The following FSD2 variants were observed in gnomAD, a reference collection of about 807,000 sequenced individuals.
FSD2 encodes the protein fibronectin type III and SPRY domain-containing protein 2.
FSD2 carries 71 observed loss-of-function variants against 80.4 expected under a neutral mutation model. The observed-to-expected ratio is 0.88, with a 90% CI of 0.73 to 1.08. The LOEUF (loss-of-function observed/expected upper bound fraction) is 1.08, where lower values mean the gene tolerates loss of function less well. Among genes scored for constraint, FSD2 ranks in the 50% least tolerant of loss-of-function variants. The pLI, the probability that FSD2 is intolerant of heterozygous loss-of-function variation, is 0.00. For missense variants in FSD2, 923 were observed against 913.8 expected (o/e 1.01, Z -0.13); for synonymous variants, 361 against 329.5 (o/e 1.10, Z -1.03).
chr15:82,791,021 C>T (rs1204608736), intron 1 of FSD2, among the ~76,000 whole-genome samples: 4 of 151,698 alleles, frequency 2.6e-5, no homozygotes, highest in Admixed American at 1.3e-4. Flanking sequence ...TTTTTTGAGG[C>T]GGAGTCTCGC....
chr15:82,787,049 G>A lies in FSD2; in HGVS notation c.342C>T (p.Ala114=). 1.2e-6 allele frequency: 2 copies of A among 1,613,892 alleles called. No individual in the cohort carries two copies. The highest frequency in any genetic ancestry group is 1.7e-6 in the Non-Finnish European group (2 of 1,179,890). Residue 114 remains alanine, a synonymous_variant, in exon 2 of 13, where the codon GCC becomes GCT. Coordinates refer to ENST00000334574, the MANE Select transcript of FSD2 (RefSeq NM_001007122.4). ...TAAGTCTCCAGTCTCTCTGCTCCCT[G>A]GCTGGGTCTCTCCTCTTCATCATAT... is the stretch of plus-strand genomic sequence containing the variant. ...PPYMMKRRDP[A]REQRDWRLSG... is the part of the protein sequence containing the mutation.
At chr15:82,782,658 C>T in intron 4 of FSD2, 137 bp downstream of exon 4, 1 of 706,034 alleles carries the variant, frequency 1.4e-6, no homozygotes, top group Non-Finnish European at 2.4e-6. Flanking sequence ...CAAATGGATG[C>T]TGGCCATAAA....
Position 82,762,116 on chromosome 15 carries a change from T to G in FSD2, c.1983A>C (p.Thr661=). The G allele has an allele frequency of 6.2e-7, 1 of 1,601,870 alleles. No homozygotes were observed. The highest frequency in any genetic ancestry group is 8.5e-7 in the Non-Finnish European group (1 of 1,173,986). ...TTTTACTTTACCTTGATGATGCAAA[T>G]GTGTGCCTCATGCACCAGGAGAGGC... The part of the protein sequence containing the change: ...ANCLSWCMRH[T]FASSRHKYEF... The change falls in exon 12 of 13, where the codon ACA becomes ACC. Residue 661 remains threonine, a synonymous_variant. Coordinates refer to ENST00000334574, the MANE Select transcript of FSD2 (RefSeq NM_001007122.4).
intron 12 of FSD2, among the ~76,000 whole-genome samples, chr15:82,761,366 A>G (rs1014515686): frequency 2.0e-5 from 3 of 152,172 alleles, no homozygotes; most frequent in African/African-American, 7.2e-5. Context: ...TTCCCACTAT[A>G]TGGAACTACT....
rs539986774 is a variant in FSD2, at chr15:82,760,918, T to A, written c.1997+1184A>T. 1.1e-4 allele frequency among the ~76,000 whole-genome samples: 17 copies of A among 152,342 alleles called. No individual in the cohort carries two copies. The East Asian group carries it at 3.1e-3, about 28-fold the overall frequency. ...ACTTCTAGGCTTTCTTTATGCTCCC[T>A]TAGTTTTACTCTGCCCCTTGTTCTT... On this transcript the variant is annotated intron_variant, in intron 12 of 12. Coordinates refer to ENST00000334574, the MANE Select transcript of FSD2 (RefSeq NM_001007122.4).
chr15:82,774,362 C>T (rs1193222818), intron 6 of FSD2, among the ~76,000 whole-genome samples: 1 of 152,198 alleles, frequency 6.6e-6, no homozygotes, highest in Non-Finnish European at 1.5e-5. Context: ...AGGCATGAGC[C>T]AGCACGTCTG....
rs765142627 is a variant in FSD2 at position 82,768,871 on chromosome 15, A to G, written c.1553+9T>C. ...GCTCTCGTGCCCAGCAAATGCCCTC[A>G]TGACTCACTCAGTTACACCCGAGGC... On this transcript the variant is annotated intron_variant, in intron 9 of 12. Transcript: ENST00000334574. 2 of 1,515,032 alleles carry G rather than the reference A, an allele frequency of 1.3e-6. No individual in the cohort carries two copies. The highest frequency in any genetic ancestry group is 1.8e-4 in the Middle Eastern group (1 of 5,540). The allele number at this position is 1,515,032 out of a possible 1,614,324, so 93.8% of individuals were successfully genotyped here.
intron 1 of FSD2, among the ~76,000 whole-genome samples, chr15:82,797,903 T>G (rs748065501): frequency 6.6e-5 from 10 of 152,138 alleles, no homozygotes; most frequent in Admixed American, 3.3e-4. Flanking sequence ...ATTGGTAACT[T>G]CATCCAAAAG....
intron 1 of FSD2, among the ~76,000 whole-genome samples, chr15:82,791,245 G>A (rs1217305018): frequency 4.6e-5 from 7 of 151,008 alleles, no homozygotes; most frequent in East Asian, 4.0e-4. Flanking sequence ...TGGTCCGCCC[G>A]TCTCGGCCTC....
intron 1 of FSD2, among the ~76,000 whole-genome samples, chr15:82,799,949 T>C (rs1482055080): frequency 6.6e-6 from 1 of 152,140 alleles, no homozygotes; most frequent in Non-Finnish European, 1.5e-5. Flanking sequence ...TTCTTCAGCC[T>C]CTCTACACTC....
At chr15:82,793,326 T>G (rs951820495) in intron 1 of FSD2, among the ~76,000 whole-genome samples, 4 of 145,816 alleles carry the variant, frequency 2.7e-5, no homozygotes, top group African/African-American at 1.0e-4. Context: ...GTTTTTTGTG[T>G]TTTTTTTTTT....
chr15:82,803,707 T>C (rs1274501690), intron 1 of FSD2, among the ~76,000 whole-genome samples: 1 of 152,174 alleles, frequency 6.6e-6, no homozygotes, highest in Non-Finnish European at 1.5e-5. Flanking sequence ...AAGCTCATCC[T>C]TGACACCCCC....
At chr15:82,771,432 C>T (rs1954133209) in intron 7 of FSD2, among the ~76,000 whole-genome samples, 1 of 152,246 alleles carries the variant, frequency 6.6e-6, no homozygotes. Context: ...GACCCTCCCT[C>T]CTTAAGAAAG....
intron 6 of FSD2, among the ~76,000 whole-genome samples, chr15:82,774,634 C>T (rs1174933611): frequency 6.6e-6 from 1 of 152,106 alleles, no homozygotes; most frequent in African/African-American, 2.4e-5. Flanking sequence ...CAGGAGGAAC[C>T]TCAGAGAGGT....
At chr15:82,763,875 T>C (rs1298861006) in intron 11 of FSD2, among the ~76,000 whole-genome samples, 1 of 152,244 alleles carries the variant, frequency 6.6e-6, no homozygotes, top group African/African-American at 2.4e-5. Context: ...CTTCCACCTC[T>C]TCCCGTCATG....
intron 10 of FSD2, 114 bp from the exon 11 acceptor site, chr15:82,765,412 A>G: frequency 7.4e-7 from 1 of 1,349,530 alleles, no homozygotes. Context: ...GACCTGGCCT[A>G]GTAATAGGCG....
In FSD2 at chr15:82,778,949, T is replaced by C. The variant is rs1362545069; in HGVS notation, c.990-62A>G. The C allele has an allele frequency of 2.6e-6, 4 of 1,552,762 alleles. No homozygotes were observed. The East Asian group carries it at 6.8e-5, about 26-fold the overall frequency. On this transcript the variant is annotated intron_variant, in intron 5 of 12. Transcript: ENST00000334574. ...GGGCATTCTCCTTAGGGTATATATA[T>C]AGTGCTGAGTCACTGTCATAAATGA...
chr15:82,756,917 T>G lies in FSD2; in HGVS notation c.*2431A>C, dbSNP rs924863115. The stretch of plus-strand genomic sequence containing the variant: ...GTTTTTTAACAGACTTATCAGCAGG[T>G]TGCAGGTGAACATGGCCTTGAGGTA... On this transcript the variant is annotated 3_prime_UTR_variant, in exon 13 of 13. Transcript: ENST00000334574. 1 of 152,240 alleles carries G rather than the reference T, an allele frequency of 6.6e-6. No individual in the cohort carries two copies. The highest frequency in any genetic ancestry group is 1.5e-5 in the Non-Finnish European group (1 of 68,032). 9.4% of individuals were successfully genotyped at this position (152,240 alleles called of 1,614,324 possible). A position where few individuals can be genotyped will look rare whatever the true frequency, so the allele number is the denominator to read the frequency against.
At chr15:82,767,130 C>T (rs2049441618) in intron 9 of FSD2, among the ~76,000 whole-genome samples, 1 of 152,196 alleles carries the variant, frequency 6.6e-6, no homozygotes. Context: ...TCAGAAAAAA[C>T]AAATGTAGTT....
Sources: gnomAD v4.1 joint callset for allele counts (sites outside exome capture counted in the v4.1 genomes callset) on GRCh38, gnomAD v4.1.1 for gene constraint, MANE v1.5 for transcripts, NCBI Gene and HGNC (gene_info 2026-07-23, HGNC 2026-07-21) for gene names.